Variants in FMNL3 observed in about 807,000 individuals in gnomAD.
FMNL3 encodes the protein formin like 3.
FMNL3 carries 57 observed loss-of-function variants against 119.6 expected under a neutral mutation model. That is an observed-to-expected ratio of 0.48 (90% confidence interval 0.39 to 0.59). FMNL3 has a LOEUF of 0.59. FMNL3 is among the 20% of genes least tolerant of loss of function. FMNL3 has a pLI of 0.00. For synonymous variants in FMNL3, 491 were observed against 507.3 expected, an observed-to-expected ratio of 0.97 and a Z score of 0.43; for missense variants, 1,053 against 1,323.5, an observed-to-expected ratio of 0.80 and a Z score of 3.17.
At position 49,645,635 on chromosome 12, in the gene FMNL3, C is replaced by T; in HGVS notation, c.*180G>A. ...GGGCAAAGTGCAGTACTGGAAGCAC[C>T]AGGGACCTACAGACCTAGTGCCCAT... On this transcript the variant is annotated 3_prime_UTR_variant, in exon 26 of 26. Coordinates refer to ENST00000335154, the MANE Select transcript of FMNL3 (RefSeq NM_175736.5). The T allele has an allele frequency of 1.8e-6, 1 of 564,254 alleles. No homozygotes were observed. The highest frequency in any genetic ancestry group is 3.5e-5 in the Admixed American group (1 of 28,288). The allele number at this position is 564,254 out of a possible 1,614,324, so 35.0% of individuals were successfully genotyped here. A position where few individuals can be genotyped will look rare whatever the true frequency, so the allele number is the denominator to read the frequency against.
intron 1 of FMNL3, among the ~76,000 whole-genome samples, chr12:49,690,035 C>T (rs1592689442): frequency 6.6e-6 from 1 of 152,340 alleles, no homozygotes; most frequent in African/African-American, 2.4e-5. Context: ...CTGTGTGGCA[C>T]CCTATCACCT....
intron 5 of FMNL3, among the ~76,000 whole-genome samples, chr12:49,661,071 T>G (rs748914256): frequency 2.0e-5 from 3 of 152,230 alleles, no homozygotes; most frequent in Non-Finnish European, 4.4e-5. Context: ...TTGGTCTCCC[T>G]AAGGCTGACC....
chr12:49,645,432 A>G lies in FMNL3; in HGVS notation c.*383T>C. 1 of 187,534 alleles carries G rather than the reference A, an allele frequency of 5.3e-6. No individual in the cohort carries two copies. The highest frequency in any genetic ancestry group is 1.1e-5 in the Non-Finnish European group (1 of 90,756). 11.6% of individuals were successfully genotyped at this position (187,534 alleles called of 1,614,324 possible). On this transcript the variant is annotated 3_prime_UTR_variant, in exon 26 of 26. Transcript: ENST00000335154. ...AGATACATCTAGACCAGAGCTGACC[A>G]TGGGCCTGCAAAAAGGAAGGGAAAA...
At chr12:49,699,147 G>C (rs1282159888) in intron 1 of FMNL3, among the ~76,000 whole-genome samples, 1 of 152,174 alleles carries the variant, frequency 6.6e-6, no homozygotes, top group Non-Finnish European at 1.5e-5. Context: ...GGAGACGTGG[G>C]AGAAATGTTT....
Position 49,642,565 on chromosome 12 carries a change from C to T in FMNL3, c.*3250G>A. On this transcript the variant is annotated 3_prime_UTR_variant, in exon 26 of 26. Transcript: ENST00000335154. This position sits in a 1 kb window ranked among gnomAD's most constrained non-coding sequence, Gnocchi z 5.8. ...GTGGGGCCTAGTCTGATCAGCAGTG[C>T]TCTCCTCGTTCAAGGTCCGTGAGCG... 1 of 1,613,884 alleles carries T rather than the reference C, an allele frequency of 6.2e-7. No homozygotes were observed. Among genetic ancestry groups the T allele is most frequent in the Non-Finnish European group, 8.5e-7 (1 of 1,179,752 alleles).
Position 49,642,119 on chromosome 12 carries a change from T to A in FMNL3, c.*3696A>T. 1.2e-6 allele frequency: 2 copies of A among 1,603,548 alleles called. No homozygotes were observed. The highest frequency in any genetic ancestry group is 1.7e-6 in the Non-Finnish European group (2 of 1,172,688). On this transcript the variant is annotated 3_prime_UTR_variant, in exon 26 of 26. Coordinates refer to ENST00000335154, the MANE Select transcript of FMNL3 (RefSeq NM_175736.5). This position sits in a 1 kb window ranked among gnomAD's most constrained non-coding sequence, Gnocchi z 5.8. ...CTGTCCCACTGACTATATTCCCAAT[T>A]CAGGGGATGGTGGTAGAAGCCCAGA...
At chr12:49,646,609 T>C in intron 25 of FMNL3, 1 of 1,458,222 alleles carries the variant, frequency 6.9e-7, no homozygotes, top group Non-Finnish European at 9.1e-7. Context: ...GAGACGGGCA[T>C]GCAGAGGGGG....
At chr12:49,654,161 C>T in intron 11 of FMNL3, 31 bp downstream of exon 11, 1 of 1,589,626 alleles carries the variant, frequency 6.3e-7, no homozygotes, top group Non-Finnish European at 8.6e-7. Flanking sequence ...TCCCAAAGCA[C>T]CTCACCTTAC....
chr12:49,665,004 CT>C lies in FMNL3; in HGVS notation c.368+827del, dbSNP rs1428562898. ...AGGCCCTCCCATCAGGTCTATACCCCTGCCTGCAGTTCTACATCACGTGTCC... is the reference window on the plus strand; with the variant it reads ...AGGCCCTCCCATCAGGTCTATACCCCGCCTGCAGTTCTACATCACGTGTCC... On this transcript the variant is annotated intron_variant, in intron 4 of 25. Transcript: ENST00000335154. 2.6e-5 allele frequency among the ~76,000 whole-genome samples: 4 copies of C among 152,118 alleles called. No homozygotes were observed. The East Asian group carries it at 7.7e-4, about 29-fold the overall frequency.
intron 1 of FMNL3, chr12:49,688,550 A>G (rs1455492349): frequency 2.2e-6 from 1 of 455,774 alleles, no homozygotes; most frequent in South Asian, 1.5e-5. Context: ...GGGCTTTGCA[A>G]AAGTTGTTCT....
Position 49,676,520 on chromosome 12 carries a change from GTTTT to G in FMNL3, c.127-7970_127-7967del, listed in dbSNP as rs58117011. Among the ~76,000 whole-genome samples, 1,014 of 102,990 alleles carry G rather than the reference GTTTT, an allele frequency of 9.8e-3. 3 individuals are homozygous for G. Among genetic ancestry groups the G allele is most frequent in the African/African-American group, 0.026 (761 of 29,544 alleles). The allele number at this position is 102,990 out of a possible 152,430, so 67.6% of individuals were successfully genotyped here. On this transcript the variant is annotated intron_variant, in intron 1 of 25. Transcript: ENST00000335154. ...GCACAAATTGAATGTTTCATAGTGG[GTTTT>G]TTTTTTTTTTTTTTTTTTTTGCATA... is the stretch of plus-strand genomic sequence containing the variant.
chr12:49,642,295 C>T lies in FMNL3; in HGVS notation c.*3520G>A, dbSNP rs568879545. 1.7e-5 allele frequency: 27 copies of T among 1,614,170 alleles called. No homozygotes were observed. Among genetic ancestry groups the T allele is most frequent in the African/African-American group, 1.1e-4 (8 of 75,060 alleles). Reference sequence around the variant, plus strand: ...GGAGAAGGAGGAGGCACGCAGGATGCGGCGCAGGGAAGCTGCCTTTCGAAG... The same window carrying T: ...GGAGAAGGAGGAGGCACGCAGGATGTGGCGCAGGGAAGCTGCCTTTCGAAG... On this transcript the variant is annotated 3_prime_UTR_variant, in exon 26 of 26. Coordinates refer to ENST00000335154, the MANE Select transcript of FMNL3 (RefSeq NM_175736.5). This position sits in a 1 kb window ranked among gnomAD's most constrained non-coding sequence, Gnocchi z 5.8.
Position 49,641,642 on chromosome 12 carries a change from T to C in FMNL3, c.*4173A>G, listed in dbSNP as rs1303390483. On this transcript the variant is annotated 3_prime_UTR_variant, in exon 26 of 26. Transcript: ENST00000335154. ...TTAAGCCAAAGGAACAAAAGTTAAT[T>C]TTGAGAAACTCAGCATTAATCAGCA... The C allele has an allele frequency of 2.0e-5, 9 of 450,720 alleles. No homozygotes were observed. The highest frequency in any genetic ancestry group is 3.9e-5 in the African/African-American group (2 of 50,682). The allele number at this position is 450,720 out of a possible 1,614,324, so 27.9% of individuals were successfully genotyped here.
rs1364459477 is a variant in FMNL3, at chr12:49,653,808, C to T, written c.1138G>A (p.Asp380Asn). ...QIQAYLDNVFDVGGLLEDAET... is the reference protein window; with the variant it reads ...QIQAYLDNVFNVGGLLEDAET... ...GCATCCTCCAACAAACCCCCGACATCAAACACGTTGTCCAGATATGCCTGA... is the reference window on the plus strand; with the variant it reads ...GCATCCTCCAACAAACCCCCGACATTAAACACGTTGTCCAGATATGCCTGA... The change falls in exon 12 of 26, where the codon GAT becomes AAT. Residue 380 changes from aspartate (D) to asparagine (N), a missense_variant. Physicochemically the swap from Asp to Asn is conservative, Grantham distance 23 (BLOSUM62 1). Transcript: ENST00000335154. The T allele has an allele frequency of 6.2e-7, 1 of 1,614,108 alleles. No individual in the cohort carries two copies. Among genetic ancestry groups the T allele is most frequent in the Non-Finnish European group, 8.5e-7 (1 of 1,180,046 alleles).
chr12:49,706,700 G>C (rs956057976), intron 1 of FMNL3, among the ~76,000 whole-genome samples: 2 of 152,218 alleles, frequency 1.3e-5, no homozygotes, highest in Admixed American at 1.3e-4. Flanking sequence ...CCCGCGAGAG[G>C]CTCCGGGCTG....
intron 1 of FMNL3, among the ~76,000 whole-genome samples, chr12:49,679,992 C>CT (rs1046933976): frequency 6.6e-6 from 1 of 152,218 alleles, no homozygotes; most frequent in Non-Finnish European, 1.5e-5. Context: ...AGTCACTTCT[C>CT]TCTCATATTG....
rs1944176005 is a variant in FMNL3 at position 49,676,021 on chromosome 12, C to T, written c.127-7467G>A. ...GTTTCCCCAATCTGCTGACTCCCTA[C>T]CTACTACCTACTACCTGACTTAAAA... On this transcript the variant is annotated intron_variant, in intron 1 of 25. Transcript: ENST00000335154. Among the ~76,000 whole-genome samples, 3 of 152,162 alleles carry T rather than the reference C, an allele frequency of 2.0e-5. No individual in the cohort carries two copies. The South Asian group carries it at 6.2e-4, about 32-fold the overall frequency.
At chr12:49,653,630 G>A in intron 12 of FMNL3, 95 bp downstream of exon 12, 3 of 1,549,106 alleles carry the variant, frequency 1.9e-6, no homozygotes, top group Non-Finnish European at 2.6e-6. Context: ...AGCCTCCCTG[G>A]GACTCAATCT....
chr12:49,644,544 C>G lies in FMNL3; in HGVS notation c.*1271G>C, dbSNP rs767190331. ...TGGCAGAGGGCAGGGTCATCACCCT[C>G]TAGCATCAGTGCCTGCTCCTGCCTG... On this transcript the variant is annotated 3_prime_UTR_variant, in exon 26 of 26. Coordinates refer to ENST00000335154, the MANE Select transcript of FMNL3 (RefSeq NM_175736.5). 3.3e-6 allele frequency: 1 copy of G among 303,458 alleles called. No individual in the cohort carries two copies. Among genetic ancestry groups the G allele is most frequent in the Non-Finnish European group, 6.4e-6 (1 of 155,412 alleles). The allele number at this position is 303,458 out of a possible 1,614,324, so 18.8% of individuals were successfully genotyped here. A position where few individuals can be genotyped will look rare whatever the true frequency, so the allele number is the denominator to read the frequency against.
Sources: allele counts gnomAD v4.1 joint callset (sites outside exome capture counted in the v4.1 genomes callset), GRCh38; gene constraint gnomAD v4.1.1; non-coding constraint Gnocchi (gnomAD v3.1); transcripts MANE v1.5; gene names NCBI Gene and HGNC (gene_info 2026-07-23, HGNC 2026-07-21).